BTD: variants seen among roughly 807,000 people sequenced by gnomAD.
BTD encodes biocytinase.
Under a neutral mutation model 17.7 loss-of-function variants are expected in BTD, and 13 were observed. The observed-to-expected ratio is 0.74, with a 90% CI of 0.48 to 1.17. The LOEUF is 1.17. Ranked by LOEUF, BTD falls within the 50% of genes most tolerant of loss-of-function variation. The pLI is 0.00. For missense variants in BTD, 674 were observed against 650.4 expected (o/e 1.04, Z -0.39); for synonymous variants, 240 against 245.2 (o/e 0.98, Z 0.20).
rs2065828128 is a variant in BTD at position 15,652,924 on chromosome 3, TAGAG to T, written c.*7437_*7440del. ...AATGCAACAGGGAGATGTTCTCAGA[TAGAG>T]GGAGAACAACAAAAAGAAGGGTCCA... On this transcript the variant is annotated 3_prime_UTR_variant, in exon 4 of 4. Transcript: ENST00000643237. Among the ~76,000 whole-genome samples, 1 of 152,170 alleles carries T rather than the reference TAGAG, an allele frequency of 6.6e-6. No homozygotes were observed.
intron 3 of BTD, among the ~76,000 whole-genome samples, chr3:15,702,959 G>A (rs2070832343): frequency 6.6e-6 from 1 of 152,150 alleles, no homozygotes; most frequent in African/African-American, 2.4e-5. Flanking sequence ...TCGTGACAGA[G>A]TTTAGACTAG....
At chr3:15,699,949 G>A (rs2070310320) in intron 3 of BTD, among the ~76,000 whole-genome samples, 2 of 152,110 alleles carry the variant, frequency 1.3e-5, no homozygotes, top group South Asian at 2.1e-4. Context: ...TGTTTACTGC[G>A]GCACTATTTG....
intron 3 of BTD, among the ~76,000 whole-genome samples, chr3:15,709,094 G>A (rs2126038759): frequency 6.6e-6 from 1 of 152,242 alleles, no homozygotes; most frequent in South Asian, 2.1e-4. Context: ...CAACAATGAG[G>A]CCTGCTGAAT....
At chr3:15,640,726 T>C (rs1403346151) in intron 2 of BTD, among the ~76,000 whole-genome samples, 1 of 152,134 alleles carries the variant, frequency 6.6e-6, no homozygotes, top group Non-Finnish European at 1.5e-5. Context: ...GAAGTCAAGA[T>C]GTAAAACCAT....
chr3:15,677,062 A>G lies in BTD; in HGVS notation c.400-32998A>G, dbSNP rs562323056. ...AAGGCACTAGTTTCATGACCCTATA[A>G]TTGTGGCAGATAAGTTATAAAAACT... On this transcript the variant is annotated intron_variant, in intron 3 of 3. Coordinates refer to the BTD transcript ENST00000672141. 1.1e-5 allele frequency: 17 copies of G among 1,610,528 alleles called. No individual in the cohort carries two copies. In the East Asian group the frequency reaches 3.6e-4, roughly 34 times the overall value.
chr3:15,693,902 T>C (rs1044107234), intron 3 of BTD, among the ~76,000 whole-genome samples: 3 of 152,110 alleles, frequency 2.0e-5, no homozygotes, highest in Non-Finnish European at 2.9e-5. Flanking sequence ...TAAAAAATAA[T>C]AGTACATATG....
At chr3:15,703,367 C>T (rs2125981772) in intron 3 of BTD, among the ~76,000 whole-genome samples, 1 of 152,328 alleles carries the variant, frequency 6.6e-6, no homozygotes, top group African/African-American at 2.4e-5. Context: ...CACACCCATT[C>T]ACATGGTGAA....
At chr3:15,673,009 C>T (rs1214485318) in intron 3 of BTD, among the ~76,000 whole-genome samples, 4 of 84,336 alleles carry the variant, frequency 4.7e-5, no homozygotes, top group African/African-American at 2.0e-4. Context: ...CTCCTGACCT[C>T]AGGTGATCCA....
At chr3:15,665,899 A>AG (rs1346875884) in intron 3 of BTD, among the ~76,000 whole-genome samples, 4 of 152,238 alleles carry the variant, frequency 2.6e-5, no homozygotes, top group Admixed American at 2.6e-4. Context: ...AACTCACAGC[A>AG]GGTAGTAAAG....
downstream of BTD, among the ~76,000 whole-genome samples, chr3:15,654,337 G>C (rs533281768): frequency 7.2e-4 from 110 of 152,220 alleles, no homozygotes; most frequent in African/African-American, 2.3e-3. Flanking sequence ...CATTGCAGGG[G>C]ATTAGGCAGG....
chr3:15,603,129 A>C (rs1292837734), intron 1 of BTD, among the ~76,000 whole-genome samples: 1 of 152,156 alleles, frequency 6.6e-6, no homozygotes, highest in African/African-American at 2.4e-5. Context: ...CCCTCTCACC[A>C]CATGTGGGGA....
In BTD at chr3:15,646,968, A is replaced by G. The variant is rs2065708082; in HGVS notation, c.*1480A>G. The stretch of plus-strand genomic sequence containing the variant: ...GACCTTGGGCCTCGGTTTTTTATTC[A>G]TAGAATGCATGTTGAATAAACCATG... On this transcript the variant is annotated 3_prime_UTR_variant, in exon 4 of 4. Coordinates refer to ENST00000643237, the MANE Select transcript of BTD (RefSeq NM_001370658.1). The G allele has an allele frequency of 6.6e-6, 1 of 152,118 alleles. No individual in the cohort carries two copies. Among genetic ancestry groups the G allele is most frequent in the African/African-American group, 2.4e-5 (1 of 41,400 alleles). The allele number at this position is 152,118 out of a possible 1,614,324, so 9.4% of individuals were successfully genotyped here.
At chr3:15,643,966 TTTAATTTA>T (rs1350030301) in intron 3 of BTD, among the ~76,000 whole-genome samples, 92 of 105,328 alleles carry the variant, frequency 8.7e-4, no homozygotes, top group African/African-American at 2.8e-3. Flanking sequence ...AACTCATTTA[TTTAATTTA>T]TTTATTTATT....
At chr3:15,696,468 C>T (rs1041604126) in intron 3 of BTD, among the ~76,000 whole-genome samples, 1 of 151,930 alleles carries the variant, frequency 6.6e-6, no homozygotes, top group African/African-American at 2.4e-5. Flanking sequence ...AAAGTGGATA[C>T]CTCAAAAGTC....
At chr3:15,605,406 C>G (rs182058006) in intron 1 of BTD, among the ~76,000 whole-genome samples, 1 of 152,134 alleles carries the variant, frequency 6.6e-6, no homozygotes, top group Non-Finnish European at 1.5e-5. Context: ...CACCAGGTAC[C>G]GCTCATGATA....
At chr3:15,694,230 G>C (rs2069204681) in intron 3 of BTD, among the ~76,000 whole-genome samples, 1 of 152,022 alleles carries the variant, frequency 6.6e-6, no homozygotes, top group Non-Finnish European at 1.5e-5. Context: ...AAATTTAGAG[G>C]AATCTTAAAG....
At chr3:15,665,860 T>C (rs1195914910) in intron 3 of BTD, among the ~76,000 whole-genome samples, 1 of 152,106 alleles carries the variant, frequency 6.6e-6, no homozygotes, top group Non-Finnish European at 1.5e-5. Context: ...GGCCCAAGAA[T>C]GAACATAGAT....
intron 1 of BTD, among the ~76,000 whole-genome samples, chr3:15,624,785 T>G (rs901169023): frequency 1.1e-4 from 17 of 152,206 alleles, no homozygotes; most frequent in African/African-American, 4.1e-4. Context: ...ACTGCTGGAG[T>G]GCAGTGGTGT....
chr3:15,672,144 G>T (rs542630513), intron 3 of BTD, among the ~76,000 whole-genome samples: 1 of 146,586 alleles, frequency 6.8e-6, no homozygotes, highest in Non-Finnish European at 1.5e-5. Context: ...GATAAAAAAA[G>T]GATTTTTTTT....
Sources: allele counts gnomAD v4.1 joint callset (sites outside exome capture counted in the v4.1 genomes callset), GRCh38; gene constraint gnomAD v4.1.1; transcripts MANE v1.5; gene names NCBI Gene and HGNC (gene_info 2026-07-23, HGNC 2026-07-21).